Variants in LHFPL3 observed in about 807,000 individuals in gnomAD.
The protein encoded by LHFPL3 is LHFPL tetraspan subfamily member 3 protein.
In LHFPL3, 5 loss-of-function variants were observed where a neutral mutation model predicts 19.3. The observed-to-expected ratio is 0.26, with a 90% CI of 0.14 to 0.54. LHFPL3 has a LOEUF of 0.54. Ranked by LOEUF, LHFPL3 falls within the 20% of genes least tolerant of loss-of-function variation. The pLI is 0.94. For synonymous variants in LHFPL3, 133 were observed against 126.2 expected, an observed-to-expected ratio of 1.05 and a Z score of -0.36; for missense variants, 249 against 307.4, an observed-to-expected ratio of 0.81 and a Z score of 1.42.
chr7:104,643,302 T>C (rs1791870136), intron 1 of LHFPL3, among the ~76,000 whole-genome samples: 1 of 152,336 alleles, frequency 6.6e-6, no homozygotes, highest in African/African-American at 2.4e-5. Context: ...CAGAGATTCA[T>C]GAAAGCTTCA....
intron 1 of LHFPL3, among the ~76,000 whole-genome samples, chr7:104,529,178 A>G (rs1000968290): frequency 1.3e-5 from 2 of 152,114 alleles, no homozygotes; most frequent in Non-Finnish European, 2.9e-5. Context: ...ACCAATGACT[A>G]TGGTCAGAAG....
chr7:104,582,644 G>C (rs1287686693), intron 1 of LHFPL3, among the ~76,000 whole-genome samples: 1 of 151,850 alleles, frequency 6.6e-6, no homozygotes, highest in Non-Finnish European at 1.5e-5. Flanking sequence ...ACTAGCATCT[G>C]TTTTGAATGG....
At chr7:104,881,026 C>T (rs1221168053) in intron 2 of LHFPL3, among the ~76,000 whole-genome samples, 5 of 151,918 alleles carry the variant, frequency 3.3e-5, no homozygotes, top group African/African-American at 1.2e-4. Context: ...AAATATTAGC[C>T]GGGCGTGCTA....
At chr7:104,567,847 C>T (rs567267281) in intron 1 of LHFPL3, among the ~76,000 whole-genome samples, 26 of 152,190 alleles carry the variant, frequency 1.7e-4, no homozygotes, top group Non-Finnish European at 3.1e-4. Context: ...ATGCCGCCTG[C>T]ATTGACCTGT....
At chr7:104,864,378 G>A (rs907081044) in intron 2 of LHFPL3, among the ~76,000 whole-genome samples, 1 of 152,140 alleles carries the variant, frequency 6.6e-6, no homozygotes, top group Non-Finnish European at 1.5e-5. Context: ...AAAAAAAAGG[G>A]GTGACAGATG....
intron 2 of LHFPL3, among the ~76,000 whole-genome samples, chr7:104,828,698 AGACAAAT>A (rs1790871385): frequency 6.6e-6 from 1 of 151,986 alleles, no homozygotes; most frequent in Admixed American, 6.5e-5. Context: ...TAGGTCAGCC[AGACAAAT>A]GGCGTAAGTG....
chr7:104,882,313 T>A (rs1792073557), intron 2 of LHFPL3, among the ~76,000 whole-genome samples: 1 of 152,178 alleles, frequency 6.6e-6, no homozygotes, highest in Non-Finnish European at 1.5e-5. Context: ...AGTGGCATGA[T>A]CTCAGCTCAC....
intron 1 of LHFPL3, among the ~76,000 whole-genome samples, chr7:104,588,256 C>A (rs1790627783): frequency 1.3e-5 from 2 of 152,192 alleles, no homozygotes; most frequent in South Asian, 4.1e-4. Flanking sequence ...TCAGGTCCAA[C>A]ATTTAAGTCT....
chr7:104,684,820 C>T (rs1792775086), intron 1 of LHFPL3, among the ~76,000 whole-genome samples: 1 of 152,212 alleles, frequency 6.6e-6, no homozygotes, highest in African/African-American at 2.4e-5. Context: ...ACTTTGCTAG[C>T]TTCCCACTGC....
At chr7:104,625,630 T>G (rs1205126683) in intron 1 of LHFPL3, among the ~76,000 whole-genome samples, 2 of 152,200 alleles carry the variant, frequency 1.3e-5, no homozygotes, top group Admixed American at 6.5e-5. Flanking sequence ...GAAACTAACA[T>G]CACCAATCAT....
intron 1 of LHFPL3, among the ~76,000 whole-genome samples, chr7:104,731,028 T>C (rs1793693550): frequency 6.6e-6 from 1 of 152,236 alleles, no homozygotes; most frequent in Non-Finnish European, 1.5e-5. Context: ...CTTGTTTTTG[T>C]CAGGTTTGTC....
chr7:104,419,744 G>T (rs1014094618), intron 1 of LHFPL3, among the ~76,000 whole-genome samples: 1 of 152,150 alleles, frequency 6.6e-6, no homozygotes, highest in Non-Finnish European at 1.5e-5. Flanking sequence ...GTCATTGGAC[G>T]TATGGTTTAG....
intron 2 of LHFPL3, among the ~76,000 whole-genome samples, chr7:104,768,191 C>T (rs1228417886): frequency 6.7e-6 from 1 of 148,698 alleles, no homozygotes; most frequent in Non-Finnish European, 1.5e-5. Context: ...CTTTGACTTA[C>T]TGGAAATATC....
intron 1 of LHFPL3, among the ~76,000 whole-genome samples, chr7:104,734,931 T>C (rs1793776890): frequency 1.3e-5 from 2 of 152,318 alleles, no homozygotes; most frequent in Non-Finnish European, 2.9e-5. Flanking sequence ...AGTTTTCCTT[T>C]TAACAGTCAG....
At chr7:104,586,701 T>A (rs978472020) in intron 1 of LHFPL3, among the ~76,000 whole-genome samples, 2 of 152,146 alleles carry the variant, frequency 1.3e-5, no homozygotes, top group African/African-American at 2.4e-5. Context: ...CACACTGAAT[T>A]TTTATAGAAG....
At chr7:104,429,545 A>G (rs1791914643) in intron 1 of LHFPL3, among the ~76,000 whole-genome samples, 1 of 151,286 alleles carries the variant, frequency 6.6e-6, no homozygotes, top group South Asian at 2.1e-4. Flanking sequence ...CAAACTGCTG[A>G]CATCAGATGA....
At chr7:104,680,432 T>A (rs888853460) in intron 1 of LHFPL3, among the ~76,000 whole-genome samples, 1 of 152,216 alleles carries the variant, frequency 6.6e-6, no homozygotes, top group African/African-American at 2.4e-5. Context: ...GATTCATTAT[T>A]TATGCCCAGG....
chr7:104,683,782 A>G (rs1175749792), intron 1 of LHFPL3, among the ~76,000 whole-genome samples: 5 of 152,228 alleles, frequency 3.3e-5, no homozygotes, highest in African/African-American at 1.2e-4. Flanking sequence ...CGACATTCCT[A>G]TAATTTGATT....
intron 2 of LHFPL3, among the ~76,000 whole-genome samples, chr7:104,833,374 ATTATATATATAATAGGATATATATATT>A (rs1562808409): frequency 0.014 from 72 of 4,982 alleles, no homozygotes; most frequent in Admixed American, 0.029. Flanking sequence ...ATATATATAT[ATTATATATATAATAGGATATATATATT>A]ATATATATAT....
Sources: gnomAD v4.1 joint callset for allele counts (sites outside exome capture counted in the v4.1 genomes callset) on GRCh38, gnomAD v4.1.1 for gene constraint, MANE v1.5 for transcripts, NCBI Gene and HGNC (gene_info 2026-07-23, HGNC 2026-07-21) for gene names.